The following LRMDA variants were observed in gnomAD, a reference collection of about 807,000 sequenced individuals.
LRMDA encodes leucine-rich melanocyte differentiation-associated protein.
In LRMDA, 18 loss-of-function variants were observed where a neutral mutation model predicts 29.8. That is an observed-to-expected ratio of 0.60 (90% CI 0.42 to 0.90). The LOEUF is 0.90. Among genes scored for constraint, LRMDA ranks in the 40% least tolerant of loss-of-function variants. The pLI is 0.00. For synonymous variants in LRMDA, 125 were observed against 109.4 expected (o/e 1.14, Z -0.89); for missense variants, 273 against 273.9 (o/e 1.00, Z 0.02).
chr10:75,753,440 C>T (rs140186593), intron 2 of LRMDA, among the ~76,000 whole-genome samples: 170 of 152,240 alleles, frequency 1.1e-3, no homozygotes, highest in Non-Finnish European at 1.8e-3. Flanking sequence ...ATGGTGGCCA[C>T]GAAAGTCCTC....
At position 75,736,989 on chromosome 10, in the gene LRMDA, G is replaced by A. The variant is rs74789178; in HGVS notation, c.131+298495G>A. On this transcript the variant is annotated intron_variant, in intron 2 of 6. Coordinates refer to ENST00000611255, the MANE Select transcript of LRMDA (RefSeq NM_001305581.2). ...CTGATTTGGAGGTTAGGGCCATTCC[G>A]AATGCTTAAGGTTTTCCTAGAACCC... Among the ~76,000 whole-genome samples, 1,279 of 152,160 alleles carry A rather than the reference G, an allele frequency of 8.4e-3. 17 individuals are homozygous for A. Among genetic ancestry groups the A allele is most frequent in the African/African-American group, 0.029 (1,186 of 41,480 alleles).
At chr10:75,736,962 G>T (rs188209059) in intron 2 of LRMDA, among the ~76,000 whole-genome samples, 8 of 152,246 alleles carry the variant, frequency 5.3e-5, no homozygotes, top group Admixed American at 5.2e-4. Flanking sequence ...TGGGGAACAC[G>T]GCTGATTTGG....
Position 76,500,848 on chromosome 10 carries a change from CT to C in LRMDA, c.602-56354del, listed in dbSNP as rs200150137. ...TTTACACACTATGCTTATTTTCTGC[CT>C]TTTTTTAAAAAAAAAATAAAAGTAA... On this transcript the variant is annotated intron_variant, in intron 6 of 6. Coordinates refer to ENST00000611255, the MANE Select transcript of LRMDA (RefSeq NM_001305581.2). Among the ~76,000 whole-genome samples the C allele has an allele frequency of 2.7e-4, 19 of 71,196 alleles. 7 individuals carry two copies. The highest frequency in any genetic ancestry group is 6.0e-4 in the African/African-American group (18 of 30,146). The allele number at this position is 71,196 out of a possible 152,430, so 46.7% of individuals were successfully genotyped here. A position where few individuals can be genotyped will look rare whatever the true frequency, so the allele number is the denominator to read the frequency against.
chr10:76,042,612 T>C (rs547665213), intron 3 of LRMDA, among the ~76,000 whole-genome samples: 18 of 152,168 alleles, frequency 1.2e-4, no homozygotes, highest in Non-Finnish European at 2.1e-4. Flanking sequence ...AAATTTTAAG[T>C]TGATAAATTT....
At chr10:75,672,510 TTTTTC>T (rs1454165646) in intron 2 of LRMDA, among the ~76,000 whole-genome samples, 1 of 64,718 alleles carries the variant, frequency 1.5e-5, no homozygotes, top group Admixed American at 1.6e-4. Context: ...CTTCCTTGTA[TTTTTC>T]TTTTCTTTTC....
intron 4 of LRMDA, among the ~76,000 whole-genome samples, chr10:76,051,446 G>GGTGA (rs758526078): frequency 1.3e-5 from 2 of 152,220 alleles, no homozygotes; most frequent in Non-Finnish European, 2.9e-5. Context: ...GAATGCTGTA[G>GGTGA]GTGAGCTCAC....
intron 2 of LRMDA, among the ~76,000 whole-genome samples, chr10:75,458,027 C>CTGAGTAT (rs573214811): frequency 7.9e-5 from 12 of 152,162 alleles, no homozygotes; most frequent in African/African-American, 2.9e-4. Context: ...CACAGGATGC[C>CTGAGTAT]TGAGTATTGA....
At chr10:75,945,336 T>C (rs1846458829) in intron 2 of LRMDA, among the ~76,000 whole-genome samples, 1 of 152,236 alleles carries the variant, frequency 6.6e-6, no homozygotes, top group African/African-American at 2.4e-5. Context: ...TCTCAGGATT[T>C]AGTTGTAGGA....
chr10:75,652,890 G>T (rs2132128020), intron 2 of LRMDA, among the ~76,000 whole-genome samples: 1 of 152,314 alleles, frequency 6.6e-6, no homozygotes, highest in Non-Finnish European at 1.5e-5. Context: ...TTGGGCAAAA[G>T]TTCTTACCAC....
intron 6 of LRMDA, among the ~76,000 whole-genome samples, chr10:76,376,503 C>G (rs1431108618): frequency 1.3e-5 from 2 of 152,142 alleles, no homozygotes; most frequent in Non-Finnish European, 2.9e-5. Context: ...TATAACTTTA[C>G]TATTGTGAAT....
chr10:76,503,186 A>G (rs1428753565), intron 6 of LRMDA, among the ~76,000 whole-genome samples: 1 of 151,800 alleles, frequency 6.6e-6, no homozygotes, highest in Non-Finnish European at 1.5e-5. Flanking sequence ...TGTTTATGTG[A>G]TGGATCACAT....
intron 2 of LRMDA, among the ~76,000 whole-genome samples, chr10:75,532,492 T>G (rs531825492): frequency 6.6e-6 from 1 of 152,108 alleles, no homozygotes. Flanking sequence ...GAGAGACCAG[T>G]TTGCCAAACA....
At chr10:75,530,653 G>T (rs926243509) in intron 2 of LRMDA, among the ~76,000 whole-genome samples, 1 of 152,134 alleles carries the variant, frequency 6.6e-6, no homozygotes, top group Non-Finnish European at 1.5e-5. Flanking sequence ...TGTGGGAATG[G>T]CTTTTCTCTG....
At chr10:75,546,196 T>C (rs918341600) in intron 2 of LRMDA, among the ~76,000 whole-genome samples, 5 of 152,166 alleles carry the variant, frequency 3.3e-5, no homozygotes, top group Non-Finnish European at 7.4e-5. Context: ...TCCACACACA[T>C]TTTCTGGTTT....
intron 6 of LRMDA, among the ~76,000 whole-genome samples, chr10:76,515,139 C>T (rs902655675): frequency 2.0e-5 from 3 of 152,110 alleles, no homozygotes; most frequent in Admixed American, 6.5e-5. Context: ...CCATGGTATG[C>T]TGTGATGTGC....
intron 2 of LRMDA, among the ~76,000 whole-genome samples, chr10:76,021,732 A>G (rs542568999): frequency 5.7e-4 from 86 of 152,140 alleles, no homozygotes; most frequent in Non-Finnish European, 8.2e-4. Context: ...TCTCTCACTC[A>G]CTTTCTCACT....
At chr10:75,691,154 AC>A (rs1211118914) in intron 2 of LRMDA, among the ~76,000 whole-genome samples, 114 of 108,542 alleles carry the variant, frequency 1.1e-3, no homozygotes, top group Non-Finnish European at 1.5e-3. Context: ...ATATCTATAT[AC>A]ATAGATATAT....
At chr10:75,689,814 A>G (rs746830217) in intron 2 of LRMDA, among the ~76,000 whole-genome samples, 1 of 152,196 alleles carries the variant, frequency 6.6e-6, no homozygotes, top group Non-Finnish European at 1.5e-5. Flanking sequence ...TGCTGCTGGG[A>G]GGGAAGGCGC....
intron 2 of LRMDA, among the ~76,000 whole-genome samples, chr10:75,866,448 A>G (rs1359175051): frequency 6.6e-6 from 1 of 152,226 alleles, no homozygotes. Flanking sequence ...GGAGCTTGCA[A>G]ACAACAAGAT....
Sources: gnomAD v4.1 joint callset for allele counts (sites outside exome capture counted in the v4.1 genomes callset) on GRCh38, gnomAD v4.1.1 for gene constraint, MANE v1.5 for transcripts, NCBI Gene and HGNC (gene_info 2026-07-23, HGNC 2026-07-21) for gene names.